FABP1: variants seen among roughly 807,000 people sequenced by gnomAD.
FABP1 encodes the protein fatty acid-binding protein, liver.
Under a neutral mutation model 13.7 loss-of-function variants are expected in FABP1, and 13 were observed. The observed-to-expected ratio is 0.95, with a 90% CI of 0.62 to 1.51. The LOEUF (loss-of-function observed/expected upper bound fraction) is 1.51. FABP1 is among the 40% of genes most tolerant of loss of function. FABP1 has a pLI of 0.00. For synonymous variants in FABP1, 48 were observed against 59.8 expected (o/e 0.80, Z 0.91); for missense variants, 140 against 155.7 (o/e 0.90, Z 0.54).
At chr2:88,124,978 T>G (rs994061546) in intron 2 of FABP1, among the ~76,000 whole-genome samples, 2 of 151,688 alleles carry the variant, frequency 1.3e-5, no homozygotes, top group Non-Finnish European at 2.9e-5. Context: ...TTCTTCTTTT[T>G]TTTTTTTTTT....
At position 88,126,166 on chromosome 2, in the gene FABP1, GC is replaced by G. The variant is rs780474438; in HGVS notation, c.240+9del. 2 of 1,594,214 alleles carry G rather than the reference GC, an allele frequency of 1.3e-6. No individual in the cohort carries two copies. The highest frequency in any genetic ancestry group is 1.7e-6 in the Non-Finnish European group (2 of 1,164,490). On this transcript the variant is annotated intron_variant, in intron 2 of 3. Coordinates refer to ENST00000295834, the MANE Select transcript of FABP1 (RefSeq NM_001443.3). ...GGAAAGTTCTGACAGCAGAAGGGAT[GC>G]CCTCCTACCTTGACTTTCTCCCCTG...
chr2:88,124,638 G>C, intron 2 of FABP1, 52 bp from the exon 3 acceptor site: 1 of 1,374,974 alleles, frequency 7.3e-7, no homozygotes. Flanking sequence ...GGGGGCAAGA[G>C]CCTTGCTAAT....
rs758193764 is a variant in FABP1 at position 88,124,533 on chromosome 2, G to C, written c.294C>G (p.Ile98Met). The change falls in exon 3 of 4, where the codon ATC (isoleucine) becomes ATG (methionine). Residue 98 changes from isoleucine (I) to methionine (M), a missense_variant. Physicochemically the swap from Ile to Met is conservative, Grantham distance 10. Coordinates refer to ENST00000295834, the MANE Select transcript of FABP1 (RefSeq NM_001443.3). ...DNKLVTTFKN[I>M]KSVTELNGDI... The stretch of plus-strand genomic sequence containing the variant: ...CGCCGTTGAGTTCGGTCACAGACTT[G>C]ATGTTTTTGAAAGTTGTCACCAGTT... 6.2e-7 allele frequency: 1 copy of C among 1,611,474 alleles called. No individual in the cohort carries two copies. Among genetic ancestry groups the C allele is most frequent in the South Asian group, 1.1e-5 (1 of 90,442 alleles).
chr2:88,123,187 A>C, intron 3 of FABP1, 83 bp from the exon 4 acceptor site: 1 of 1,195,594 alleles, frequency 8.4e-7, no homozygotes, highest in Non-Finnish European at 1.2e-6. Context: ...AACAAAATTA[A>C]GCTTAAAAAA....
chr2:88,124,641 T>C, intron 2 of FABP1, 55 bp from the exon 3 acceptor site: 6 of 1,355,518 alleles, frequency 4.4e-6, no homozygotes, highest in Non-Finnish European at 6.3e-6. Flanking sequence ...GGCAAGAGCC[T>C]TGCTAATGAA....
At position 88,126,192 on chromosome 2, in the gene FABP1, G is replaced by A. The variant is rs763406593; in HGVS notation, c.224C>T (p.Thr75Ile). The A allele has an allele frequency of 1.9e-6, 3 of 1,608,430 alleles. No individual in the cohort carries two copies. Among genetic ancestry groups the A allele is most frequent in the East Asian group, 2.2e-5 (1 of 44,742 alleles). The change falls in exon 2 of 4, where the codon ACA becomes ATA. Residue 75 changes from threonine (T) to isoleucine (I), a missense_variant. By Grantham distance (89) the Thr-to-Ile change is moderately conservative (BLOSUM62 -1). Coordinates refer to ENST00000295834, the MANE Select transcript of FABP1 (RefSeq NM_001443.3). ...VGEECELETM[T>I]GEKVKTVVQL... ...CCCTCCTACCTTGACTTTCTCCCCTGTCATTGTCTCCAGCTCACATTCCTC... is the reference window on the plus strand; with the variant it reads ...CCCTCCTACCTTGACTTTCTCCCCTATCATTGTCTCCAGCTCACATTCCTC...
At chr2:88,125,697 TG>T (rs1675283580) in intron 2 of FABP1, among the ~76,000 whole-genome samples, 1 of 152,236 alleles carries the variant, frequency 6.6e-6, no homozygotes, top group South Asian at 2.1e-4. Flanking sequence ...AGCACCTGTC[TG>T]GGGCCCTGGT....
intron 3 of FABP1, 79 bp downstream of exon 3, chr2:88,124,415 T>G: frequency 9.5e-7 from 1 of 1,047,970 alleles, no homozygotes; most frequent in African/African-American, 1.6e-5. Context: ...CATTAGGGTA[T>G]GTGAGCCGCT....
At position 88,122,999 on chromosome 2, in the gene FABP1, G is replaced by T; in HGVS notation, c.*55C>A. ...AGAAGACATTTTTTTTTAAAACAAA[G>T]TTCACTTTATTACATTAATTTTACA... On this transcript the variant is annotated 3_prime_UTR_variant, in exon 4 of 4. Transcript: ENST00000295834. The T allele has an allele frequency of 2.1e-6, 3 of 1,454,506 alleles. No individual in the cohort carries two copies. In the South Asian group the frequency reaches 3.7e-5, roughly 18 times the overall value. The allele number at this position is 1,454,506 out of a possible 1,614,324, so 90.1% of individuals were successfully genotyped here. A position where few individuals can be genotyped will look rare whatever the true frequency, so the allele number is the denominator to read the frequency against.
At chr2:88,124,716 G>C in intron 2 of FABP1, 130 bp from the exon 3 acceptor site, 1 of 625,196 alleles carries the variant, frequency 1.6e-6, no homozygotes, top group Non-Finnish European at 2.8e-6. Flanking sequence ...ATGATCCCAA[G>C]CCTCTAGTTC....
At chr2:88,127,493 G>A (rs572672921) in intron 1 of FABP1, among the ~76,000 whole-genome samples, 22 of 152,222 alleles carry the variant, frequency 1.4e-4, no homozygotes, top group South Asian at 4.1e-4. Context: ...CAGCACAGTC[G>A]CCTGGCACAG....
At chr2:88,127,593 A>G (rs1042156583) in intron 1 of FABP1, among the ~76,000 whole-genome samples, 3 of 152,126 alleles carry the variant, frequency 2.0e-5, no homozygotes, top group Non-Finnish European at 2.9e-5. Flanking sequence ...TGCCTTTATC[A>G]TCTGTCTCCC....
chr2:88,124,696 T>C (rs972406888), intron 2 of FABP1, 110 bp from the exon 3 acceptor site: 7 of 710,138 alleles, frequency 9.9e-6, no homozygotes, highest in Non-Finnish European at 1.4e-5. Flanking sequence ...ACCAAAATGC[T>C]CTGGTTCCTA....
rs1223001515 is a variant in FABP1, at chr2:88,126,165, T to G, written c.240+11A>C. On this transcript the variant is annotated intron_variant, in intron 2 of 3. Coordinates refer to ENST00000295834, the MANE Select transcript of FABP1 (RefSeq NM_001443.3). Reference sequence around the variant, plus strand: ...AGGAAAGTTCTGACAGCAGAAGGGATGCCCTCCTACCTTGACTTTCTCCCC... The same window carrying G: ...AGGAAAGTTCTGACAGCAGAAGGGAGGCCCTCCTACCTTGACTTTCTCCCC... 1 of 1,594,458 alleles carries G rather than the reference T, an allele frequency of 6.3e-7. No homozygotes were observed. Among genetic ancestry groups the G allele is most frequent in the South Asian group, 1.1e-5 (1 of 89,700 alleles).
chr2:88,126,517 CAGAA>C (rs1675300975), intron 1 of FABP1, 169 bp from the exon 2 acceptor site: 1 of 654,636 alleles, frequency 1.5e-6, no homozygotes, highest in South Asian at 2.1e-5. Context: ...GCTGTGGCCT[CAGAA>C]AGGAAGGGAC....
At position 88,126,158 on chromosome 2, in the gene FABP1, G is replaced by A; in HGVS notation, c.240+18C>T. ...GGTTCCAAGGAAAGTTCTGACAGCA[G>A]AAGGGATGCCCTCCTACCTTGACTT... is the stretch of plus-strand genomic sequence containing the variant. On this transcript the variant is annotated intron_variant, in intron 2 of 3. Transcript: ENST00000295834. The A allele has an allele frequency of 6.3e-7, 1 of 1,590,970 alleles. No individual in the cohort carries two copies. The highest frequency in any genetic ancestry group is 8.6e-7 in the Non-Finnish European group (1 of 1,162,154).
At chr2:88,126,141 G>A (rs1675291612) in intron 2 of FABP1, 35 bp downstream of exon 2, 1 of 1,572,664 alleles carries the variant, frequency 6.4e-7, no homozygotes, top group African/African-American at 1.3e-5. Context: ...CAGGTTCCAA[G>A]GAAAGTTCTG....
Position 88,125,920 on chromosome 2 carries a change from C to T in FABP1, c.240+256G>A, listed in dbSNP as rs569713384. ...TTAGAATCCTGCTGTATGCCTGGTT[C>T]TCCCATATCCTCCATATGGGAGAGC... On this transcript the variant is annotated intron_variant, in intron 2 of 3. Coordinates refer to ENST00000295834, the MANE Select transcript of FABP1 (RefSeq NM_001443.3). 4.8e-4 allele frequency: 166 copies of T among 345,504 alleles called. 2 individuals are homozygous for T. Among genetic ancestry groups the T allele is most frequent in the African/African-American group, 3.2e-3 (157 of 48,802 alleles). 21.4% of individuals were successfully genotyped at this position (345,504 alleles called of 1,614,324 possible). A position where few individuals can be genotyped will look rare whatever the true frequency, so the allele number is the denominator to read the frequency against.
chr2:88,127,382 C>A (rs1043712887), intron 1 of FABP1, among the ~76,000 whole-genome samples: 3 of 152,174 alleles, frequency 2.0e-5, no homozygotes, highest in African/African-American at 7.2e-5. Flanking sequence ...GATTACTAAA[C>A]CTTTCTGGGC....
Sources: gnomAD v4.1 joint callset for allele counts (sites outside exome capture counted in the v4.1 genomes callset) on GRCh38, gnomAD v4.1.1 for gene constraint, MANE v1.5 for transcripts, NCBI Gene and HGNC (gene_info 2026-07-23, HGNC 2026-07-21) for gene names.